Variants in GRHPR observed in about 807,000 individuals in gnomAD.
The protein encoded by GRHPR is glyoxylate and hydroxypyruvate reductase.
A neutral mutation model predicts 36.8 loss-of-function variants in GRHPR; 35 were observed. That is an observed-to-expected ratio of 0.95 (90% CI 0.73 to 1.26). The LOEUF is 1.26. Among genes scored for constraint, GRHPR ranks in the 50% most tolerant of loss-of-function variants. The probability of loss-of-function intolerance (pLI) is 0.00; values close to 1 mark genes in which losing one functional copy is unlikely to be tolerated. For synonymous variants in GRHPR, 179 were observed against 181.0 expected (o/e 0.99, Z 0.09); for missense variants, 380 against 435.0 (o/e 0.87, Z 1.12).
chr9:37,436,540 G>A, intron 8 of GRHPR, 121 bp from the exon 9 acceptor site: 1 of 1,076,454 alleles, frequency 9.3e-7, no homozygotes, highest in Non-Finnish European at 1.4e-6. Flanking sequence ...GCAAAGCATG[G>A]AACCATGAGG....
chr9:37,426,105 G>A (rs1823064429), intron 3 of GRHPR, 111 bp downstream of exon 3: 1 of 782,650 alleles, frequency 1.3e-6, no homozygotes, highest in African/African-American at 1.7e-5. Flanking sequence ...CAGGGAGAAT[G>A]TGAGGTGGCT....
At chr9:37,430,882 C>T (rs1274906740) in intron 7 of GRHPR, 5 of 628,946 alleles carry the variant, frequency 7.9e-6, no homozygotes, top group African/African-American at 1.8e-5. Flanking sequence ...CCCCACCCGG[C>T]GGGGCCTGGC....
At position 37,436,561 on chromosome 9, in the gene GRHPR, T is replaced by C. The variant is rs187156784; in HGVS notation, c.866-100T>C. 53 of 1,306,582 alleles carry C rather than the reference T, an allele frequency of 4.1e-5. No homozygotes were observed. In the African/African-American group the frequency reaches 7.1e-4, roughly 17 times the overall value. The allele number at this position is 1,306,582 out of a possible 1,614,324, so 80.9% of individuals were successfully genotyped here. On this transcript the variant is annotated intron_variant, in intron 8 of 8. Coordinates refer to ENST00000318158, the MANE Select transcript of GRHPR (RefSeq NM_012203.2). The stretch of plus-strand genomic sequence containing the variant: ...CATGGAACCATGAGGTAGTCTCTCT[T>C]TATTCTTCTTACCGGCAAACCCAAG...
At chr9:37,433,217 G>A (rs1264665256) in intron 8 of GRHPR, among the ~76,000 whole-genome samples, 5 of 150,160 alleles carry the variant, frequency 3.3e-5, no homozygotes, top group Non-Finnish European at 3.0e-5. Context: ...CCACAGTGCA[G>A]TGGTTCTCAC....
chr9:37,438,571 C>A (rs1251480600), downstream of GRHPR: 1 of 152,248 alleles, frequency 6.6e-6, no homozygotes, highest in Non-Finnish European at 1.5e-5. Flanking sequence ...CCTGGCACCA[C>A]CTCCTCCAAA....
chr9:37,426,751 C>T (rs1220680420), intron 4 of GRHPR, 97 bp downstream of exon 4: 7 of 749,206 alleles, frequency 9.3e-6, no homozygotes, highest in Non-Finnish European at 1.5e-5. Context: ...AGTTCGAGAC[C>T]AGTCTGGCCA....
In GRHPR at chr9:37,425,922, G is replaced by A; in HGVS notation, c.215G>A (p.Gly72Glu). Residue 72 changes from glycine to glutamate, a missense_variant and splice_region_variant, in exon 3 of 9, where the codon GGG becomes GAG. By Grantham distance (98) the Gly-to-Glu change is moderately conservative. Transcript: ENST00000318158. ...HVDKRILDAA[G>E]ANLKVISTMS... is the part of the protein sequence containing the mutation. ...TAACAATGCACTTTCTGCACAACAGGGGCCAATCTCAAAGTCATCAGCACC... is the reference window on the plus strand; with the variant it reads ...TAACAATGCACTTTCTGCACAACAGAGGCCAATCTCAAAGTCATCAGCACC... The A allele has an allele frequency of 3.1e-6, 5 of 1,611,376 alleles. No homozygotes were observed. Among genetic ancestry groups the A allele is most frequent in the African/African-American group, 2.7e-5 (2 of 75,006 alleles).
Position 37,430,647 on chromosome 9 carries a change from G to A in GRHPR, c.734+1G>A, listed in dbSNP as rs148049120. On this transcript the variant is annotated splice_donor_variant, in intron 7 of 8. Transcript: ENST00000318158. LOFTEE classifies it high-confidence loss of function. ...CAGCTGTGTTCATCAACATCAGCAG[G>A]TATCCTAGGGCCACCTTACCCAGCA... 5.9e-5 allele frequency: 95 copies of A among 1,613,280 alleles called. No individual in the cohort carries two copies. The highest frequency in any genetic ancestry group is 1.9e-4 in the African/African-American group (14 of 74,892).
At position 37,424,916 on chromosome 9, in the gene GRHPR, C is replaced by T. The variant is rs779393751; in HGVS notation, c.155C>T (p.Ala52Val). ...AKELERGVAG[A>V]HGLLCLLSDH... ...GAGCTAGAGCGAGGTGTGGCGGGGG[C>T]CCACGGCCTGCTCTGCCTCCTCTCC... The change falls in exon 2 of 9, where the codon GCC becomes GTC. Residue 52 changes from alanine (A) to valine (V), a missense_variant. Ala to Val is a moderately conservative substitution (Grantham distance 64, BLOSUM62 0). Transcript: ENST00000318158. 8 of 1,600,172 alleles carry T rather than the reference C, an allele frequency of 5.0e-6. No homozygotes were observed. The East Asian group carries it at 9.0e-5, about 18-fold the overall frequency.
At chr9:37,423,713 A>T (rs1009524342) in intron 1 of GRHPR, among the ~76,000 whole-genome samples, 39 of 151,924 alleles carry the variant, frequency 2.6e-4, no homozygotes, top group African/African-American at 9.4e-4. Flanking sequence ...GTACGAAGGG[A>T]TCCTCCCACC....
At position 37,422,784 on chromosome 9, in the gene GRHPR, AC is replaced by A; in HGVS notation, c.37del (p.Arg13AlafsTer33). 6.3e-7 allele frequency: 1 copy of A among 1,597,536 alleles called. No homozygotes were observed. On this transcript the variant is annotated frameshift_variant, in exon 1 of 9. Transcript: ENST00000318158. LOFTEE classifies it high-confidence loss of function. ...GGTGCGACTCATGAAGGTGTTCGTC[AC>A]CCGCAGGATACCCGCCGAGGGTAGG... ...RPVRLMKVFV[T>X]RRIPAEGRVA...
At chr9:37,431,372 A>C in intron 7 of GRHPR, 1 of 311,396 alleles carries the variant, frequency 3.2e-6, no homozygotes, top group Non-Finnish European at 6.3e-6. Flanking sequence ...GGCTGGCAGC[A>C]GTCACAGCTG....
Position 37,436,750 on chromosome 9 carries a change from G to C in GRHPR, c.955G>C (p.Gly319Arg). 2 of 1,614,094 alleles carry C rather than the reference G, an allele frequency of 1.2e-6. No individual in the cohort carries two copies. Among genetic ancestry groups the C allele is most frequent in the Non-Finnish European group, 1.7e-6 (2 of 1,179,990 alleles). ...AANNLLAGLR[G>R]EPMPSELKL ...TAACAACTTGCTGGCTGGCCTGAGA[G>C]GGGAGCCGATGCCTAGTGAACTCAA... is the stretch of plus-strand genomic sequence containing the variant. The change falls in exon 9 of 9, where the codon GGG (glycine) becomes CGG (arginine). Residue 319 changes from glycine to arginine, a missense_variant. Physicochemically the swap from Gly to Arg is moderately radical, Grantham distance 125 (BLOSUM62 -2). Coordinates refer to ENST00000318158, the MANE Select transcript of GRHPR (RefSeq NM_012203.2).
rs765074064 is a variant in GRHPR at position 37,430,820 on chromosome 9, G to C, written c.734+174G>C. The C allele has an allele frequency of 5.3e-5, 38 of 711,866 alleles. 1 individual carries two copies. The South Asian group carries it at 5.5e-4, about 10-fold the overall frequency. 44.1% of individuals were successfully genotyped at this position (711,866 alleles called of 1,614,324 possible). On this transcript the variant is annotated intron_variant, in intron 7 of 8. Coordinates refer to ENST00000318158, the MANE Select transcript of GRHPR (RefSeq NM_012203.2). ...TGGGAATACACGAGACCTCCGTACA[G>C]GGAAGAAGAGCCGTCAGAGTGGGCC...
intron 8 of GRHPR, among the ~76,000 whole-genome samples, chr9:37,435,438 T>C (rs75256380): frequency 0.048 from 7,309 of 152,298 alleles, 212 homozygotes; most frequent in Middle Eastern, 0.075. Context: ...AGTCCCTTCC[T>C]AAGTGTAGGG....
In GRHPR at chr9:37,435,210, T is replaced by C. The variant is rs372049811; in HGVS notation, c.866-1451T>C. Among the ~76,000 whole-genome samples, 130 of 152,336 alleles carry C rather than the reference T, an allele frequency of 8.5e-4. 1 individual carries two copies. The highest frequency in any genetic ancestry group is 2.9e-3 in the African/African-American group (122 of 41,586). On this transcript the variant is annotated intron_variant, in intron 8 of 8. Coordinates refer to ENST00000318158, the MANE Select transcript of GRHPR (RefSeq NM_012203.2). ...AGGCTGTAGTAAGCTGACTATGCCATGGCACTCCAGCCTGGGCAACAAAGC... is the reference window on the plus strand; with the variant it reads ...AGGCTGTAGTAAGCTGACTATGCCACGGCACTCCAGCCTGGGCAACAAAGC...
chr9:37,432,161 C>G, intron 8 of GRHPR, 23 bp downstream of exon 8: 4 of 1,612,730 alleles, frequency 2.5e-6, no homozygotes, highest in Non-Finnish European at 3.4e-6. Context: ...CTTTCTGATG[C>G]AAACTCCCTG....
At chr9:37,436,242 G>A (rs1165949832) in intron 8 of GRHPR, among the ~76,000 whole-genome samples, 3 of 152,132 alleles carry the variant, frequency 2.0e-5, no homozygotes, top group Non-Finnish European at 4.4e-5. Context: ...CCAAGTAGCG[G>A]GGACTATAGG....
At chr9:37,433,089 T>C (rs1437435772) in intron 8 of GRHPR, among the ~76,000 whole-genome samples, 1 of 152,206 alleles carries the variant, frequency 6.6e-6, no homozygotes, top group Non-Finnish European at 1.5e-5. Flanking sequence ...CAACACTTGG[T>C]GAACCAGCCC....
Sources: allele counts gnomAD v4.1 joint callset (sites outside exome capture counted in the v4.1 genomes callset), GRCh38; gene constraint gnomAD v4.1.1; transcripts MANE v1.5; gene names NCBI Gene and HGNC (gene_info 2026-07-23, HGNC 2026-07-21).